Variants in MAMLD1 observed in about 807,000 individuals in gnomAD.
MAMLD1 encodes mastermind-like domain-containing protein 1.
Under a neutral mutation model 45.0 loss-of-function variants are expected in MAMLD1, and 14 were observed. The observed-to-expected ratio is 0.31, with a 90% CI of 0.21 to 0.49. MAMLD1 has a LOEUF of 0.49. MAMLD1 is among the 20% of genes least tolerant of loss of function. The pLI is 0.99. For missense variants in MAMLD1, 543 were observed against 603.6 expected (o/e 0.90, Z 1.05); for synonymous variants, 254 against 247.8 (o/e 1.02, Z -0.24).
intron 2 of MAMLD1, among the ~76,000 whole-genome samples, chrX:150,455,146 C>T (rs2035811206): frequency 8.9e-6 from 1 of 111,835 alleles, no homozygotes; most frequent in African/African-American, 3.3e-5. Flanking sequence ...TTGCTATGTG[C>T]TTTGGGGTGG....
chrX:150,497,283 C>CTTTTT (rs782269885), intron 5 of MAMLD1, among the ~76,000 whole-genome samples: 2 of 85,242 alleles, frequency 2.3e-5, no homozygotes, highest in African/African-American at 8.9e-5. Context: ...TCTTTTTTTT[C>CTTTTT]TTTTTTTTTT....
At chrX:150,499,177 G>A (rs1443976765) in intron 5 of MAMLD1, among the ~76,000 whole-genome samples, 2 of 111,966 alleles carry the variant, frequency 1.8e-5, no homozygotes, top group Non-Finnish European at 3.8e-5. Flanking sequence ...TCTCCAGTTC[G>A]CTTTCTTGGG....
chrX:150,423,386 T>TGTG (rs2034590514), intron 1 of MAMLD1, among the ~76,000 whole-genome samples: 34,133 of 96,444 alleles, frequency 0.35, 4,708 homozygotes, highest in East Asian at 0.65. Context: ...GTGTGTGTGT[T>TGTG]TGCACCTTTG....
rs782014332 is a variant in MAMLD1, at chrX:150,470,552, A to G, written c.979A>G (p.Ser327Gly). ...SATKQQGPTP[S>G]WSGLPPPGLS... ...TACAAAGCAGCAAGGGCCCACCCCCAGTTGGTCTGGTCTGCCTCCTCCAGG... is the reference window on the plus strand; with the variant it reads ...TACAAAGCAGCAAGGGCCCACCCCCGGTTGGTCTGGTCTGCCTCCTCCAGG... Residue 327 changes from serine to glycine, a missense_variant, in exon 4 of 8, where the codon AGT becomes GGT. Physicochemically the swap from Ser to Gly is moderately conservative, Grantham distance 56. Coordinates refer to ENST00000370401, the MANE Select transcript of MAMLD1 (RefSeq NM_005491.5). The G allele has an allele frequency of 5.0e-6, 6 of 1,211,493 alleles. No individual in the cohort carries two copies. Among genetic ancestry groups the G allele is most frequent in the South Asian group, 1.8e-5 (1 of 56,966 alleles).
At chrX:150,363,910 G>T (rs2031175753) in intron 1 of MAMLD1, among the ~76,000 whole-genome samples, 1 of 113,318 alleles carries the variant, frequency 8.8e-6, no homozygotes, top group Non-Finnish European at 1.9e-5. Flanking sequence ...GTCGCTTGCA[G>T]CCTGGGTGTC....
At chrX:150,433,921 C>G (rs2035035123) in intron 1 of MAMLD1, among the ~76,000 whole-genome samples, 1 of 111,704 alleles carries the variant, frequency 9.0e-6, no homozygotes, top group Non-Finnish European at 1.9e-5. Context: ...GTTGGCCTCA[C>G]AGAATGAGTT....
At chrX:150,392,544 T>C (rs2033231266) in intron 1 of MAMLD1, among the ~76,000 whole-genome samples, 1 of 110,278 alleles carries the variant, frequency 9.1e-6, no homozygotes, top group Admixed American at 9.6e-5. Flanking sequence ...CCCTGACACC[T>C]CTGGGCAGGG....
intron 6 of MAMLD1, among the ~76,000 whole-genome samples, chrX:150,503,776 G>A (rs2037639649): frequency 8.9e-6 from 1 of 112,359 alleles, no homozygotes; most frequent in African/African-American, 3.2e-5. Context: ...CCACCTCCAG[G>A]GAAATGAGTG....
At chrX:150,398,325 A>G (rs868972811) in intron 1 of MAMLD1, among the ~76,000 whole-genome samples, 32 of 82,557 alleles carry the variant, frequency 3.9e-4, no homozygotes, top group African/African-American at 1.4e-3. Context: ...AAGAAGAAGA[A>G]GAAGAAGAAG....
chrX:150,462,938 C>T, intron 3 of MAMLD1, 92 bp downstream of exon 3: 1 of 656,599 alleles, frequency 1.5e-6, no homozygotes, highest in South Asian at 2.3e-5. Context: ...AGAGGTCACA[C>T]CACAAGGTCC....
chrX:150,469,947 C>T lies in MAMLD1; in HGVS notation c.374C>T (p.Ala125Val), dbSNP rs782582206. ...CCTAGCCCTGCGGCTATGGGAGTGG[C>T]TGGCCAGTCATTACTGCTGGAGAAT... ...INPSPAAMGV[A>V]GQSLLLENNP... Residue 125 changes from alanine (A) to valine (V), a missense_variant, in exon 4 of 8, where the codon GCT (alanine) becomes GTT (valine). Coordinates refer to ENST00000370401, the MANE Select transcript of MAMLD1 (RefSeq NM_005491.5). 34 of 1,210,032 alleles carry T rather than the reference C, an allele frequency of 2.8e-5. No individual in the cohort carries two copies. Among genetic ancestry groups the T allele is most frequent in the Non-Finnish European group, 3.4e-5 (30 of 895,221 alleles).
chrX:150,476,321 C>T (rs1387352826), intron 5 of MAMLD1, among the ~76,000 whole-genome samples: 1 of 112,503 alleles, frequency 8.9e-6, no homozygotes, highest in Non-Finnish European at 1.9e-5. Context: ...TCCCTTCTCC[C>T]TGCAGATTAC....
intron 5 of MAMLD1, among the ~76,000 whole-genome samples, chrX:150,481,966 AAGAAAGAAAGAAAG>A (rs2036796837): frequency 2.8e-5 from 1 of 35,468 alleles, no homozygotes; most frequent in South Asian, 1.9e-3. Flanking sequence ...AGAAAGAAAA[AAGAAAGAAAGAAAG>A]AAAGAAAGAA....
At chrX:150,421,362 T>C (rs1211381452) in intron 1 of MAMLD1, among the ~76,000 whole-genome samples, 1 of 112,424 alleles carries the variant, frequency 8.9e-6, no homozygotes, top group African/African-American at 3.2e-5. Flanking sequence ...ATGAACCCGG[T>C]ACCTCAGATG....
chrX:150,382,013 A>G (rs1380877883), intron 1 of MAMLD1, among the ~76,000 whole-genome samples: 1 of 111,187 alleles, frequency 9.0e-6, no homozygotes, highest in Non-Finnish European at 1.9e-5. Flanking sequence ...TTCTTTCACA[A>G]AAAGACTATT....
intron 1 of MAMLD1, among the ~76,000 whole-genome samples, chrX:150,368,431 G>A (rs1308482234): frequency 2.1e-4 from 22 of 106,546 alleles, no homozygotes; most frequent in Admixed American, 1.9e-3. Context: ...TTGTAAATTT[G>A]TTTGAGTTCT....
intron 1 of MAMLD1, among the ~76,000 whole-genome samples, chrX:150,440,579 A>AGTT (rs1557404474): frequency 1.8e-5 from 2 of 109,890 alleles, no homozygotes; most frequent in East Asian, 5.6e-4. Context: ...AAATTTTGGC[A>AGTT]GTTTGTGCTT....
rs781870096 is a variant in MAMLD1 at position 150,479,807 on chromosome X, A to G, written c.2040+6005A>G. Among the ~76,000 whole-genome samples the G allele has an allele frequency of 8.0e-5, 9 of 112,060 alleles. No individual in the cohort carries two copies. The South Asian group carries it at 3.4e-3, about 42-fold the overall frequency. ...GAAGTGCTGTCGCTCTACTACTACT[A>G]TGTCCCCAGGTGAAAAGTTCGCAAA... On this transcript the variant is annotated intron_variant, in intron 5 of 7. Coordinates refer to ENST00000370401, the MANE Select transcript of MAMLD1 (RefSeq NM_005491.5).
chrX:150,438,918 G>A (rs1317961210), intron 1 of MAMLD1, among the ~76,000 whole-genome samples: 6 of 111,803 alleles, frequency 5.4e-5, no homozygotes, highest in Admixed American at 1.9e-4. Flanking sequence ...TTGAGAGACC[G>A]CCAAACTGTT....
Sources: gnomAD v4.1 joint callset for allele counts (sites outside exome capture counted in the v4.1 genomes callset) on GRCh38, gnomAD v4.1.1 for gene constraint, MANE v1.5 for transcripts, NCBI Gene and HGNC (gene_info 2026-07-23, HGNC 2026-07-21) for gene names.